Variants in HLCS observed in about 807,000 individuals in gnomAD.
HLCS encodes holocarboxylase synthetase.
Under a neutral mutation model 75.0 loss-of-function variants are expected in HLCS, and 53 were observed. The observed-to-expected ratio is 0.71, with a 90% CI of 0.57 to 0.89. HLCS has a LOEUF of 0.89. Among genes scored for constraint, HLCS ranks in the 40% least tolerant of loss-of-function variants. HLCS has a pLI of 0.00. For missense variants in HLCS, 966 were observed against 1,074.0 expected, an observed-to-expected ratio of 0.90 and a Z score of 1.41; for synonymous variants, 431 against 428.6, an observed-to-expected ratio of 1.01 and a Z score of -0.07.
intron 6 of HLCS, among the ~76,000 whole-genome samples, chr21:36,874,246 C>T (rs1396364928): frequency 6.6e-6 from 1 of 151,882 alleles, no homozygotes; most frequent in Admixed American, 6.6e-5. Context: ...ACTAAAAATA[C>T]AAAAAATTAG....
chr21:36,823,610 G>GGT (rs59724760), intron 6 of HLCS, among the ~76,000 whole-genome samples: 5,886 of 132,742 alleles, frequency 0.044, 125 homozygotes, highest in South Asian at 0.13. Context: ...AAACGTGCAG[G>GGT]GTGTGTGTGT....
At chr21:36,845,700 A>C (rs2062773576) in intron 6 of HLCS, among the ~76,000 whole-genome samples, 1 of 152,196 alleles carries the variant, frequency 6.6e-6, no homozygotes, top group Non-Finnish European at 1.5e-5. Flanking sequence ...AGTCCAGCTC[A>C]ACATTACTAG....
intron 6 of HLCS, among the ~76,000 whole-genome samples, chr21:36,892,340 C>T (rs374732674): frequency 3.9e-5 from 6 of 152,130 alleles, no homozygotes; most frequent in Non-Finnish European, 2.9e-5. Context: ...GGGCAGAACG[C>T]GGGTTGCCAG....
chr21:36,883,887 A>G (rs1411206590), intron 6 of HLCS, among the ~76,000 whole-genome samples: 1 of 152,230 alleles, frequency 6.6e-6, no homozygotes, highest in Non-Finnish European at 1.5e-5. Context: ...GTGAAAGAGC[A>G]GGCTAGGGGA....
rs146405984 is a variant in HLCS at position 36,936,394 on chromosome 21, C to T, written c.1437+55G>A. ...TGTACCTTTAAAAGACATATTCCCT[C>T]GCAAAAATACCCACAGATACCCAAA... On this transcript the variant is annotated intron_variant, in intron 4 of 10. Transcript: ENST00000674895. The T allele has an allele frequency of 2.6e-4, 378 of 1,460,046 alleles. No individual in the cohort carries two copies. The African/African-American group carries it at 4.8e-3, about 19-fold the overall frequency. 90.4% of individuals were successfully genotyped at this position (1,460,046 alleles called of 1,614,324 possible).
chr21:36,888,488 ATATATATATTTATT>A (rs2064624142), intron 6 of HLCS, among the ~76,000 whole-genome samples: 1 of 89,354 alleles, frequency 1.1e-5, no homozygotes, highest in Non-Finnish European at 2.2e-5. Context: ...ATATATATAT[ATATATATATTTATT>A]TATTTATTTT....
intron 6 of HLCS, among the ~76,000 whole-genome samples, chr21:36,894,585 AG>A (rs960923645): frequency 1.3e-5 from 2 of 152,206 alleles, no homozygotes; most frequent in African/African-American, 4.8e-5. Context: ...CAGCGGATGC[AG>A]GGCATCTGGT....
intron 6 of HLCS, among the ~76,000 whole-genome samples, chr21:36,832,245 GAA>G (rs2062237837): frequency 6.6e-6 from 1 of 152,324 alleles, no homozygotes; most frequent in East Asian, 1.9e-4. Context: ...CAAAAAGGTA[GAA>G]GAGATGGCTG....
At chr21:36,982,262 T>C (rs1490870069) in intron 1 of HLCS, among the ~76,000 whole-genome samples, 1 of 152,208 alleles carries the variant, frequency 6.6e-6, no homozygotes, top group African/African-American at 2.4e-5. Context: ...GGGATCAACA[T>C]GGGGTTATCT....
chr21:36,979,892 A>C (rs7282108), intron 1 of HLCS, among the ~76,000 whole-genome samples: 56,463 of 151,688 alleles, frequency 0.37, 10,604 homozygotes, highest in East Asian at 0.5. Context: ...ACATCTCTAC[A>C]AAAGTAAAGA....
intron 2 of HLCS, among the ~76,000 whole-genome samples, chr21:36,945,781 G>T (rs1260102733): frequency 3.3e-5 from 5 of 152,180 alleles, no homozygotes; most frequent in African/African-American, 1.2e-4. Context: ...CTACTGAATT[G>T]TTTTTCAAGG....
chr21:36,879,637 T>C (rs2064126257), intron 6 of HLCS, among the ~76,000 whole-genome samples: 1 of 152,132 alleles, frequency 6.6e-6, no homozygotes, highest in South Asian at 2.1e-4. Context: ...CCTCAAGTTA[T>C]AAGAGCTCAA....
intron 8 of HLCS, among the ~76,000 whole-genome samples, chr21:36,761,465 G>C (rs887969948): frequency 6.6e-6 from 1 of 152,098 alleles, no homozygotes; most frequent in African/African-American, 2.4e-5. Context: ...AGCATGGGGG[G>C]TGCGCAATGA....
chr21:36,764,443 C>G (rs1212907263), intron 8 of HLCS, among the ~76,000 whole-genome samples: 2 of 151,810 alleles, frequency 1.3e-5, no homozygotes, highest in Non-Finnish European at 2.9e-5. Flanking sequence ...GTGGCTCATG[C>G]CTATAATCCC....
chr21:36,827,381 C>T lies in HLCS; in HGVS notation c.1893-60096G>A, dbSNP rs1209705545. Among the ~76,000 whole-genome samples, 4 of 151,538 alleles carry T rather than the reference C, an allele frequency of 2.6e-5. No homozygotes were observed. In the East Asian group the frequency reaches 7.7e-4, roughly 29 times the overall value. ...GTCAGGAGTTCAAGACCAGCCTGGC[C>T]AACATGGTGAAACCCCGTCTCTACT... is the stretch of plus-strand genomic sequence containing the variant. On this transcript the variant is annotated intron_variant, in intron 6 of 10. Coordinates refer to ENST00000674895, the MANE Select transcript of HLCS (RefSeq NM_001352514.2).
In HLCS at chr21:36,759,283, G is replaced by A. The variant is rs756584048; in HGVS notation, c.2236+444C>T. 16 of 455,582 alleles carry A rather than the reference G, an allele frequency of 3.5e-5. No homozygotes were observed. In the East Asian group the frequency reaches 4.9e-4, roughly 14 times the overall value. 28.2% of individuals were successfully genotyped at this position (455,582 alleles called of 1,614,324 possible). A position where few individuals can be genotyped will look rare whatever the true frequency, so the allele number is the denominator to read the frequency against. On this transcript the variant is annotated intron_variant, in intron 9 of 10. Transcript: ENST00000674895. Reference sequence around the variant, plus strand: ...AGGTGAAACAGGGATTCTTTACCCCGCCTTGACCAGCATGGAGCTTCTTCT... The same window carrying A: ...AGGTGAAACAGGGATTCTTTACCCCACCTTGACCAGCATGGAGCTTCTTCT...
chr21:36,946,439 G>A (rs2067398879), intron 2 of HLCS, among the ~76,000 whole-genome samples: 1 of 151,686 alleles, frequency 6.6e-6, no homozygotes, highest in Non-Finnish European at 1.5e-5. Flanking sequence ...ACGAGAATTC[G>A]CTATGTTGCC....
chr21:36,809,877 T>C (rs1180682814), intron 6 of HLCS, among the ~76,000 whole-genome samples: 1 of 152,212 alleles, frequency 6.6e-6, no homozygotes, highest in Non-Finnish European at 1.5e-5. Context: ...TAGCTGGGAC[T>C]ACAAGGGCAC....
intron 1 of HLCS, among the ~76,000 whole-genome samples, chr21:36,964,866 A>C (rs2068485309): frequency 6.6e-6 from 1 of 152,212 alleles, no homozygotes; most frequent in African/African-American, 2.4e-5. Context: ...AATTGATCCA[A>C]TTTGGAAACT....
Sources: allele counts gnomAD v4.1 joint callset (sites outside exome capture counted in the v4.1 genomes callset), GRCh38; gene constraint gnomAD v4.1.1; transcripts MANE v1.5; gene names NCBI Gene and HGNC (gene_info 2026-07-23, HGNC 2026-07-21).